The following DCAF8L2 variants were observed in gnomAD, a reference collection of about 807,000 sequenced individuals.
DCAF8L2 encodes the protein DDB1- and CUL4-associated factor 8-like protein 2.
For missense variants in DCAF8L2, 430 were observed against 490.7 expected (o/e 0.88, Z 1.17); for synonymous variants, 200 against 190.9 (o/e 1.05, Z -0.39).
the DCAF8L2 span, among the ~76,000 whole-genome samples, chrX:27,571,417 T>G: frequency 1.8e-5 from 2 of 111,687 alleles, no homozygotes; most frequent in African/African-American, 6.5e-5. Flanking sequence ...TAACTAAGAC[T>G]TTTATAATCA....
chrX:27,591,079 A>G (rs1926069215), intron 1 of DCAF8L2, among the ~76,000 whole-genome samples: 1 of 105,006 alleles, frequency 9.5e-6, no homozygotes, highest in South Asian at 4.5e-4. Context: ...GCATACCAGT[A>G]GGACTATATT....
the DCAF8L2 span, among the ~76,000 whole-genome samples, chrX:27,563,588 G>C: frequency 8.9e-6 from 1 of 112,063 alleles, no homozygotes; most frequent in Non-Finnish European, 1.9e-5. Context: ...CTTTGGTGCA[G>C]AGTTACCTGA....
chrX:27,680,617 A>T (rs5926853), intron 3 of DCAF8L2, among the ~76,000 whole-genome samples: 31,631 of 109,963 alleles, frequency 0.29, 3,969 homozygotes, highest in Middle Eastern at 0.44. Flanking sequence ...TGCCCATCCA[A>T]TGCCAGTGTC....
At chrX:27,546,632 G>C in the DCAF8L2 span, among the ~76,000 whole-genome samples, 1 of 112,361 alleles carries the variant, frequency 8.9e-6, no homozygotes, top group African/African-American at 3.2e-5. Flanking sequence ...CCCAAACCTC[G>C]ATTCTTGACT....
In DCAF8L2 at chrX:27,614,288, C is replaced by T. The variant is rs763256113; in HGVS notation, c.-341-17591C>T. 1.1e-4 allele frequency among the ~76,000 whole-genome samples: 12 copies of T among 110,695 alleles called. No homozygotes were observed. In the South Asian group the frequency reaches 3.6e-3, roughly 33 times the overall value. ...ATGGTAGTTTGTATTTCTGTGGTAT[C>T]GGTGGTGATATCCCCTTTATCATTT... On this transcript the variant is annotated intron_variant, in intron 1 of 4. Coordinates refer to ENST00000451261, the MANE Select transcript of DCAF8L2 (RefSeq NM_001353450.2).
chrX:27,555,286 T>G, the DCAF8L2 span, among the ~76,000 whole-genome samples: 1 of 112,309 alleles, frequency 8.9e-6, no homozygotes, highest in African/African-American at 3.2e-5. Flanking sequence ...ACATTTGGTA[T>G]AGAGGCATGC....
At chrX:27,609,730 C>G (rs563490898) in intron 1 of DCAF8L2, among the ~76,000 whole-genome samples, 1 of 111,204 alleles carries the variant, frequency 9.0e-6, no homozygotes, top group African/African-American at 3.3e-5. Flanking sequence ...AATAAGAAAC[C>G]AAAATACTGT....
rs983291488 is a variant in DCAF8L2 at position 27,634,138 on chromosome X, A to C, written c.-220+2138A>C. On this transcript the variant is annotated intron_variant, in intron 2 of 4. Coordinates refer to ENST00000451261, the MANE Select transcript of DCAF8L2 (RefSeq NM_001353450.2). ...ACATATTATATGCTAGCACTAACAT[A>C]GTCTGGTCCTTCATTATCTCTTAAC... 2.9e-4 allele frequency among the ~76,000 whole-genome samples: 32 copies of C among 112,000 alleles called. No homozygotes were observed. In the Admixed American group the frequency reaches 3.0e-3, roughly 11 times the overall value.
upstream of DCAF8L2, among the ~76,000 whole-genome samples, chrX:27,588,107 T>C (rs1925947747): frequency 9.3e-6 from 1 of 107,002 alleles, no homozygotes. Flanking sequence ...ATACAAATGA[T>C]CCCGTCACCC....
At chrX:27,564,345 C>G in the DCAF8L2 span, among the ~76,000 whole-genome samples, 1 of 111,537 alleles carries the variant, frequency 9.0e-6, no homozygotes, top group Non-Finnish European at 1.9e-5. Flanking sequence ...ATTATGGGAA[C>G]TACAATTCAA....
the DCAF8L2 span, among the ~76,000 whole-genome samples, chrX:27,469,309 A>G: frequency 9.0e-6 from 1 of 111,611 alleles, no homozygotes; most frequent in African/African-American, 3.3e-5. Context: ...AGACTATGTT[A>G]CTTCCTCTTC....
At chrX:27,585,264 C>T in the DCAF8L2 span, among the ~76,000 whole-genome samples, 3 of 111,210 alleles carry the variant, frequency 2.7e-5, no homozygotes, top group Non-Finnish European at 5.7e-5. Context: ...CCTAATCTTA[C>T]TTGTAGTCTC....
At chrX:27,712,949 G>C (rs6628307) in intron 3 of DCAF8L2, among the ~76,000 whole-genome samples, 1 of 111,091 alleles carries the variant, frequency 9.0e-6, no homozygotes, top group African/African-American at 3.3e-5. Context: ...GGACCCATCA[G>C]AAAATATGTG....
the DCAF8L2 span, among the ~76,000 whole-genome samples, chrX:27,543,540 G>C: frequency 3.6e-5 from 4 of 111,218 alleles, no homozygotes; most frequent in Non-Finnish European, 5.6e-5. Context: ...ATTATTCTTG[G>C]TCTCTCTGAG....
chrX:27,635,786 CGTGTGT>C (rs754830405), intron 2 of DCAF8L2, among the ~76,000 whole-genome samples: 141 of 90,386 alleles, frequency 1.6e-3, no homozygotes, highest in South Asian at 4.1e-3. Flanking sequence ...TTTCCTTTTA[CGTGTGT>C]GTGTGTGTGT....
At chrX:27,588,308 T>C (rs914151723), upstream of DCAF8L2, among the ~76,000 whole-genome samples, 23 of 110,314 alleles carry the variant, frequency 2.1e-4, no homozygotes, top group African/African-American at 6.9e-4. Flanking sequence ...GCTGCATTCA[T>C]GTTGCTGCAA....
At chrX:27,508,220 A>G in the DCAF8L2 span, among the ~76,000 whole-genome samples, 36 of 111,884 alleles carry the variant, frequency 3.2e-4, no homozygotes, top group African/African-American at 1.2e-3. Flanking sequence ...ATTTTGATCT[A>G]TTCACTTCAG....
the DCAF8L2 span, among the ~76,000 whole-genome samples, chrX:27,539,517 C>T: frequency 2.7e-5 from 3 of 111,742 alleles, no homozygotes; most frequent in East Asian, 8.5e-4. Flanking sequence ...TTATTTAACA[C>T]CTGAATATTG....
the DCAF8L2 span, among the ~76,000 whole-genome samples, chrX:27,576,045 A>T: frequency 0.011 from 1,193 of 112,480 alleles, 18 homozygotes; most frequent in African/African-American, 0.037. Context: ...AGCAACAAGT[A>T]AAAAACAAGT....
Sources: gnomAD v4.1 joint callset for allele counts (sites outside exome capture counted in the v4.1 genomes callset) on GRCh38, gnomAD v4.1.1 for gene constraint, MANE v1.5 for transcripts, NCBI Gene and HGNC (gene_info 2026-07-23, HGNC 2026-07-21) for gene names.